The following FAM153A variants were observed in gnomAD, a reference collection of about 807,000 sequenced individuals.
FAM153A encodes the protein protein FAM153A.
A neutral mutation model predicts 48.1 loss-of-function variants in FAM153A; 12 were observed. The observed-to-expected ratio is 0.25, with a 90% CI of 0.16 to 0.40. The LOEUF is 0.40. Among genes scored for constraint, FAM153A ranks in the 10% least tolerant of loss-of-function variants. The probability of loss-of-function intolerance (pLI) is 1.00; values close to 1 mark genes in which losing one functional copy is unlikely to be tolerated. For missense variants in FAM153A, 111 were observed against 345.8 expected (o/e 0.32, Z 5.38); for synonymous variants, 36 against 118.2 (o/e 0.30, Z 4.51).
chr5:177,724,462 G>A, intron 19 of FAM153A, 100 bp from the exon 22 acceptor site: 2 of 1,533,016 alleles, frequency 1.3e-6, no homozygotes, highest in South Asian at 1.2e-5. Flanking sequence ...TGTCACTGGG[G>A]GGTCCCTCCA....
chr5:177,772,300 G>C (rs1437619757), intron 1 of FAM153A, among the ~76,000 whole-genome samples: 1 of 89,752 alleles, frequency 1.1e-5, no homozygotes, highest in African/African-American at 4.5e-5. Context: ...AGCTCCCAGC[G>C]TGAGCGACGC....
Position 177,767,987 on chromosome 5 carries a change from C to T in FAM153A, c.-57+12462G>A, listed in dbSNP as rs1768840406. Among the ~76,000 whole-genome samples the T allele has an allele frequency of 2.7e-5, 2 of 74,774 alleles. 1 individual carries two copies. 49.1% of individuals were successfully genotyped at this position (74,774 alleles called of 152,430 possible). ...TATCTGCAGATAGCATCAGATTGCA[C>T]AGGTAAAGGGCTCAGTCCCATGAAA... On this transcript the variant is annotated intron_variant, in intron 1 of 8. Coordinates refer to the FAM153A transcript ENST00000393518.
the FAM153A span, among the ~76,000 whole-genome samples, chr5:177,701,687 A>T: frequency 2.6e-5 from 4 of 152,014 alleles, no homozygotes; most frequent in South Asian, 8.3e-4. Context: ...TACTGTAAAG[A>T]TAGCTGAAAA....
chr5:177,729,610 T>G lies in FAM153A; in HGVS notation c.863-55A>C, dbSNP rs1169310090. ...AGCTCCACTGAGTGAATCCCTCAGG[T>G]GGTCTTGGAGCTGTGGACACGGGGC... On this transcript the variant is annotated intron_variant, in intron 16 of 20. Transcript: ENST00000614127. 4.4e-5 allele frequency: 70 copies of G among 1,606,454 alleles called. 1 individual carries two copies. In the East Asian group the frequency reaches 1.5e-3, roughly 35 times the overall value.
exon 27 of FAM153A, chr5:177,711,854 T>G (rs1433595292): frequency 6.6e-6 from 1 of 151,882 alleles, no homozygotes; most frequent in Admixed American, 6.6e-5. Context: ...ACTACCCCAT[T>G]TCATTAATGT....
upstream of FAM153A, among the ~76,000 whole-genome samples, chr5:177,756,163 A>G (rs1756984184): frequency 6.6e-6 from 1 of 150,600 alleles, no homozygotes; most frequent in Non-Finnish European, 1.5e-5. Flanking sequence ...AATGGAAAAC[A>G]AAAAAAGGCA....
At chr5:177,700,840 C>T in the FAM153A span, among the ~76,000 whole-genome samples, 1 of 151,828 alleles carries the variant, frequency 6.6e-6, no homozygotes, top group Non-Finnish European at 1.5e-5. Flanking sequence ...AAGACCAATA[C>T]ACAAAAATCA....
intron 16 of FAM153A, among the ~76,000 whole-genome samples, chr5:177,730,642 G>T (rs1334045100): frequency 7.4e-6 from 1 of 135,240 alleles, no homozygotes; most frequent in Non-Finnish European, 1.6e-5. Context: ...GCACACAGAA[G>T]TGCTGGGATC....
intron 1 of FAM153A, among the ~76,000 whole-genome samples, chr5:177,772,406 C>A (rs1225464234): frequency 2.5e-5 from 1 of 40,222 alleles, no homozygotes; most frequent in Non-Finnish European, 5.1e-5. Flanking sequence ...GTGTGCGCAC[C>A]GTGCGCGAGC....
At position 177,712,079 on chromosome 5, in the gene FAM153A, C is replaced by A. The variant is rs555039047; in HGVS notation, c.*2483G>T. 2.0e-4 allele frequency: 31 copies of A among 151,856 alleles called. 1 individual carries two copies. Among genetic ancestry groups the A allele is most frequent in the African/African-American group, 7.0e-4 (29 of 41,172 alleles). 9.4% of individuals were successfully genotyped at this position (151,856 alleles called of 1,614,324 possible). ...ATAAAGGGCTTATATCTAAACTAGA[C>A]AGAAAATTCTTAACAATTAAAAAAA... On this transcript the variant is annotated 3_prime_UTR_variant and NMD_transcript_variant, in exon 27 of 27. Coordinates refer to the FAM153A transcript ENST00000360669.
rs1489289878 is a variant in FAM153A at position 177,741,490 on chromosome 5, A to G, written c.365-158T>C. Among the ~76,000 whole-genome samples, 3 of 104,526 alleles carry G rather than the reference A, an allele frequency of 2.9e-5. 1 individual carries two copies. The highest frequency in any genetic ancestry group is 6.2e-5 in the Non-Finnish European group (3 of 48,114). 68.6% of individuals were successfully genotyped at this position (104,526 alleles called of 152,430 possible). A position where few individuals can be genotyped will look rare whatever the true frequency, so the allele number is the denominator to read the frequency against. On this transcript the variant is annotated intron_variant, in intron 6 of 20. Transcript: ENST00000614127. ...GAACATCCTCCTTGGTGATGAAGAA[A>G]GGTCAATGAGACCATCAGGAAACCA...
intron 1 of FAM153A, among the ~76,000 whole-genome samples, chr5:177,752,932 CAA>C (rs374466697): frequency 2.0e-5 from 2 of 97,672 alleles, no homozygotes; most frequent in African/African-American, 8.9e-5. Context: ...TTCACTCTTC[CAA>C]AAAAAAAAAA....
chr5:177,694,424 C>CTCTCT, the FAM153A span, among the ~76,000 whole-genome samples: 1 of 117,434 alleles, frequency 8.5e-6, no homozygotes, highest in Non-Finnish European at 1.7e-5. Context: ...TTATATGGGC[C>CTCTCT]ACCAAAATGT....
intron 24 of FAM153A, among the ~76,000 whole-genome samples, chr5:177,716,610 T>A (rs562348980): frequency 6.6e-6 from 1 of 151,746 alleles, no homozygotes; most frequent in Non-Finnish European, 1.5e-5. Context: ...TTTGTGAGTA[T>A]TCAACTGTAT....
upstream of FAM153A, among the ~76,000 whole-genome samples, chr5:177,755,206 G>T (rs767777636): frequency 1.3e-5 from 2 of 151,888 alleles, no homozygotes; most frequent in Non-Finnish European, 2.9e-5. Context: ...CTCAGTAGTC[G>T]ATTCGATCAA....
At chr5:177,702,695 G>A in the FAM153A span, among the ~76,000 whole-genome samples, 326 of 151,920 alleles carry the variant, frequency 2.1e-3, 1 homozygote, top group Non-Finnish European at 2.1e-3. Context: ...GTGCAGCCTC[G>A]GGACACTGCT....
rs1216584106 is a variant in FAM153A at position 177,761,404 on chromosome 5, G to A, written c.-56-12705C>T. Reference sequence around the variant, plus strand: ...CTTGTGAGGGTCACCAGGCCCCCTCGGCTGCAGGGCTCCAGAGCCCTCCCC... The same window carrying A: ...CTTGTGAGGGTCACCAGGCCCCCTCAGCTGCAGGGCTCCAGAGCCCTCCCC... On this transcript the variant is annotated intron_variant, in intron 1 of 8. Coordinates refer to the FAM153A transcript ENST00000393518. Among the ~76,000 whole-genome samples, 13 of 151,980 alleles carry A rather than the reference G, an allele frequency of 8.6e-5. No individual in the cohort carries two copies. The South Asian group carries it at 2.3e-3, about 27-fold the overall frequency.
the FAM153A span, among the ~76,000 whole-genome samples, chr5:177,701,576 T>C: frequency 1.5e-5 from 2 of 131,226 alleles, no homozygotes; most frequent in South Asian, 2.6e-4. Flanking sequence ...AATAAATAGA[T>C]AAATTTTAAA....
chr5:177,696,016 T>C, the FAM153A span, among the ~76,000 whole-genome samples: 303 of 90,964 alleles, frequency 3.3e-3, no homozygotes, highest in African/African-American at 4.3e-3. Flanking sequence ...GAGGCACTCC[T>C]CACTTCCTAG....
Sources: gnomAD v4.1 joint callset for allele counts (sites outside exome capture counted in the v4.1 genomes callset) on GRCh38, gnomAD v4.1.1 for gene constraint, MANE v1.5 for transcripts, NCBI Gene and HGNC (gene_info 2026-07-23, HGNC 2026-07-21) for gene names.